The following SPTLC1 variants were observed in gnomAD, a reference collection of about 807,000 sequenced individuals.
SPTLC1 encodes serine palmitoyltransferase 1.
Under a neutral mutation model 68.9 loss-of-function variants are expected in SPTLC1, and 55 were observed. The ratio of observed to expected loss-of-function variants is 0.80; its 90% CI spans 0.64 to 1.00. SPTLC1 has a LOEUF of 1.00. Ranked by LOEUF, SPTLC1 falls within the 50% of genes least tolerant of loss-of-function variation. The pLI, the probability that SPTLC1 is intolerant of heterozygous loss-of-function variation, is 0.00. For missense variants in SPTLC1, 449 were observed against 573.1 expected, an observed-to-expected ratio of 0.78 and a Z score of 2.21; for synonymous variants, 197 against 201.6, an observed-to-expected ratio of 0.98 and a Z score of 0.19.
chr9:92,033,147 C>A (rs970391011), intron 14 of SPTLC1, among the ~76,000 whole-genome samples: 1 of 152,194 alleles, frequency 6.6e-6, no homozygotes, highest in African/African-American at 2.4e-5. Context: ...AGTGCACACC[C>A]AGTCAGAGTG....
chr9:92,077,311 T>C (rs1834715866), intron 5 of SPTLC1, among the ~76,000 whole-genome samples: 1 of 152,094 alleles, frequency 6.6e-6, no homozygotes, highest in Non-Finnish European at 1.5e-5. Flanking sequence ...CAATTTCCTT[T>C]TACCTACTCC....
rs1834985815 is a variant in SPTLC1, at chr9:92,083,591, T to C, written c.261-2628A>G. Among the ~76,000 whole-genome samples, 4 of 152,344 alleles carry C rather than the reference T, an allele frequency of 2.6e-5. 1 individual carries two copies. The highest frequency in any genetic ancestry group is 4.1e-4 in the South Asian group (2 of 4,828). ...TTTCTGAGGGCTCTGTTCTGTTCCATTGATCTATATCTCTGTTTTAGTACC... is the reference window on the plus strand; with the variant it reads ...TTTCTGAGGGCTCTGTTCTGTTCCACTGATCTATATCTCTGTTTTAGTACC... On this transcript the variant is annotated intron_variant, in intron 3 of 14. Coordinates refer to ENST00000262554, the MANE Select transcript of SPTLC1 (RefSeq NM_006415.4).
In SPTLC1 at chr9:92,047,217, C is replaced by CT; in HGVS notation, c.1035dup (p.Ala346SerfsTer6). On this transcript the variant is annotated frameshift_variant, in exon 11 of 15. Transcript: ENST00000262554. LOFTEE classifies it high-confidence loss of function. Reference sequence around the variant, plus strand: ...TTGAGGGCCTCAATTGCTGCAGCAGCTAACAGGGGAGGTAACGAAGCTGAA... The same window carrying CT: ...TTGAGGGCCTCAATTGCTGCAGCAGCTTAACAGGGGAGGTAACGAAGCTGAA... The CT allele has an allele frequency of 1.2e-6, 2 of 1,614,128 alleles. No homozygotes were observed. The highest frequency in any genetic ancestry group is 1.7e-6 in the Non-Finnish European group (2 of 1,179,990).
chr9:92,038,265 G>C lies in SPTLC1; in HGVS notation c.1237C>G (p.Gln413Glu), dbSNP rs763592479. The C allele has an allele frequency of 6.2e-7, 1 of 1,613,172 alleles. No individual in the cohort carries two copies. Among genetic ancestry groups the C allele is most frequent in the East Asian group, 2.2e-5 (1 of 44,880 alleles). ...GSREQDVRLL[Q>E]EIVDQCMNRS... ...ATACTTACTTGATCTACAATTTCCT[G>C]AAGCAGTCTGACATCTTGCTCGCGA... Residue 413 changes from glutamine (Q) to glutamate (E), a missense_variant, in exon 13 of 15, where the codon CAG becomes GAG. Transcript: ENST00000262554.
chr9:92,045,276 G>GA (rs1431097640), intron 12 of SPTLC1, among the ~76,000 whole-genome samples: 2 of 151,210 alleles, frequency 1.3e-5, no homozygotes, highest in African/African-American at 2.4e-5. Context: ...AAGGCAAAAA[G>GA]AAAGACCTCG....
At chr9:92,079,221 A>G (rs1001975483) in intron 5 of SPTLC1, 12 of 413,142 alleles carry the variant, frequency 2.9e-5, no homozygotes, top group Non-Finnish European at 4.7e-5. Context: ...GATTACAGGT[A>G]TCCACCACCA....
intron 3 of SPTLC1, among the ~76,000 whole-genome samples, chr9:92,091,104 T>C (rs1369676384): frequency 1.3e-5 from 2 of 148,254 alleles, no homozygotes; most frequent in Non-Finnish European, 2.9e-5. Context: ...CTAACAATGC[T>C]ACCTTTAGGT....
intron 3 of SPTLC1, chr9:92,104,716 G>A (rs1027194265): frequency 6.5e-6 from 10 of 1,529,708 alleles, no homozygotes; most frequent in Middle Eastern, 4.5e-4. Flanking sequence ...AGGGGCAGGA[G>A]GACAATAAAA....
intron 12 of SPTLC1, among the ~76,000 whole-genome samples, chr9:92,045,215 C>T (rs1833466665): frequency 6.6e-6 from 1 of 151,986 alleles, no homozygotes; most frequent in Admixed American, 6.6e-5. Flanking sequence ...TTTCCATATC[C>T]GGAACACAGA....
intron 8 of SPTLC1, chr9:92,053,958 A>C: frequency 1.0e-6 from 1 of 985,308 alleles, no homozygotes; most frequent in Non-Finnish European, 1.2e-6. Flanking sequence ...CATGGTTTCT[A>C]AAAACAGTTA....
At chr9:92,046,220 C>T (rs187529078) in intron 11 of SPTLC1, 167 bp from the exon 12 acceptor site, 188 of 661,392 alleles carry the variant, frequency 2.8e-4, no homozygotes, top group Middle Eastern at 2.0e-3. Flanking sequence ...CAAGCTTTGT[C>T]TCTGGTGCGT....
In SPTLC1 at chr9:92,032,235, G is replaced by A; in HGVS notation, c.*230C>T. 1 of 1,483,132 alleles carries A rather than the reference G, an allele frequency of 6.7e-7. No individual in the cohort carries two copies. The highest frequency in any genetic ancestry group is 9.0e-7 in the Non-Finnish European group (1 of 1,112,092). 91.9% of individuals were successfully genotyped at this position (1,483,132 alleles called of 1,614,324 possible). On this transcript the variant is annotated 3_prime_UTR_variant, in exon 15 of 15. Transcript: ENST00000262554. ...AAACATCAGTTATACACTGTCATTA[G>A]TTTTCCTCTTAAAAAAATCAGTTCC...
intron 8 of SPTLC1, among the ~76,000 whole-genome samples, chr9:92,051,901 G>C (rs554301266): frequency 9.2e-5 from 14 of 152,170 alleles, no homozygotes; most frequent in Admixed American, 2.6e-4. Flanking sequence ...TTTAACCAAA[G>C]AGGTGCAGGA....
chr9:92,062,749 T>G (rs1279020339), intron 6 of SPTLC1, among the ~76,000 whole-genome samples: 1 of 152,120 alleles, frequency 6.6e-6, no homozygotes, highest in Non-Finnish European at 1.5e-5. Flanking sequence ...AGCAAAAGAA[T>G]CCATTGAGCC....
chr9:92,108,695 A>G (rs768522480), intron 3 of SPTLC1, 45 bp downstream of exon 3: 17 of 1,580,986 alleles, frequency 1.1e-5, no homozygotes, highest in Non-Finnish European at 1.4e-5. Flanking sequence ...GCAGGTTACT[A>G]CAAGAAGCCA....
intron 5 of SPTLC1, among the ~76,000 whole-genome samples, chr9:92,072,208 AAG>A (rs1285258310): frequency 6.6e-6 from 1 of 152,054 alleles, no homozygotes; most frequent in Non-Finnish European, 1.5e-5. Flanking sequence ...TCTTCCATCA[AAG>A]AGACTTCCCT....
intron 3 of SPTLC1, among the ~76,000 whole-genome samples, chr9:92,089,887 C>CA (rs1388275159): frequency 6.6e-6 from 1 of 152,214 alleles, no homozygotes; most frequent in East Asian, 1.9e-4. Flanking sequence ...TAGACTGACA[C>CA]AGTCTCCCCA....
At chr9:92,082,805 G>GA (rs1834939936) in intron 3 of SPTLC1, among the ~76,000 whole-genome samples, 1 of 151,000 alleles carries the variant, frequency 6.6e-6, no homozygotes, top group Non-Finnish European at 1.5e-5. Flanking sequence ...GATCCCTGAG[G>GA]AATCGCCACA....
At chr9:92,079,380 C>T in intron 5 of SPTLC1, 1 of 1,429,728 alleles carries the variant, frequency 7.0e-7, no homozygotes, top group Non-Finnish European at 9.2e-7. Flanking sequence ...CCGGCCTAAA[C>T]AATTATTTAA....
Sources: gnomAD v4.1 joint callset for allele counts (sites outside exome capture counted in the v4.1 genomes callset) on GRCh38, gnomAD v4.1.1 for gene constraint, MANE v1.5 for transcripts, NCBI Gene and HGNC (gene_info 2026-07-23, HGNC 2026-07-21) for gene names.